The following ARB2A variants were observed in gnomAD, a reference collection of about 807,000 sequenced individuals.
The protein encoded by ARB2A is ARB2 cotranscriptional regulator A, also known as cotranscriptional regulator ARB2A.
chr5:93,682,909 A>G, the ARB2A span: 2 of 1,558,784 alleles, frequency 1.3e-6, no homozygotes, highest in African/African-American at 2.7e-5. Flanking sequence ...AATTCTTCAC[A>G]TAATTGATGA....
the ARB2A span, among the ~76,000 whole-genome samples, chr5:93,920,374 G>T: frequency 6.6e-6 from 1 of 152,128 alleles, no homozygotes; most frequent in Non-Finnish European, 1.5e-5. Flanking sequence ...AATTTTGTGT[G>T]ACAGAATAAG....
At chr5:93,818,436 T>C in the ARB2A span, among the ~76,000 whole-genome samples, 1 of 152,170 alleles carries the variant, frequency 6.6e-6, no homozygotes, top group Non-Finnish European at 1.5e-5. Flanking sequence ...TTAATAAATC[T>C]CCATTATATC....
the ARB2A span, chr5:93,735,533 C>A: frequency 6.6e-6 from 1 of 152,214 alleles, no homozygotes; most frequent in African/African-American, 2.4e-5. Context: ...ATGTTCACAA[C>A]ACAATCAGAG....
At chr5:93,642,777 C>A in the ARB2A span, among the ~76,000 whole-genome samples, 1 of 152,168 alleles carries the variant, frequency 6.6e-6, no homozygotes, top group Non-Finnish European at 1.5e-5. Context: ...GCCTTGGCCT[C>A]TCAAAGTACT....
the ARB2A span, among the ~76,000 whole-genome samples, chr5:93,882,365 C>A: frequency 6.6e-6 from 1 of 151,058 alleles, no homozygotes; most frequent in Non-Finnish European, 1.5e-5. Context: ...AGTCTTTAAT[C>A]TTAAAATTTC....
chr5:93,794,925 G>C, the ARB2A span, among the ~76,000 whole-genome samples: 6 of 152,228 alleles, frequency 3.9e-5, no homozygotes, highest in Non-Finnish European at 8.8e-5. Flanking sequence ...CACATCAGCT[G>C]TGGTTCTATA....
chr5:93,818,248 T>C, the ARB2A span, among the ~76,000 whole-genome samples: 2 of 152,094 alleles, frequency 1.3e-5, no homozygotes, highest in Non-Finnish European at 2.9e-5. Context: ...CTGGCAGGAT[T>C]GTAAGTATGG....
the ARB2A span, among the ~76,000 whole-genome samples, chr5:93,894,477 T>C: frequency 6.6e-6 from 1 of 152,118 alleles, no homozygotes; most frequent in Admixed American, 6.6e-5. Flanking sequence ...GTCTCTCAGC[T>C]TCTCTGTACA....
chr5:93,706,659 A>G, the ARB2A span, among the ~76,000 whole-genome samples: 1 of 152,108 alleles, frequency 6.6e-6, no homozygotes, highest in Non-Finnish European at 1.5e-5. Context: ...CAAGGTCAGG[A>G]GATTGAGACC....
chr5:94,024,711 TG>T, the ARB2A span, among the ~76,000 whole-genome samples: 2 of 152,040 alleles, frequency 1.3e-5, no homozygotes, highest in Non-Finnish European at 2.9e-5. Flanking sequence ...CTAGCCTATG[TG>T]GATAAGAGAA....
the ARB2A span, among the ~76,000 whole-genome samples, chr5:93,955,491 TC>T: frequency 6.6e-6 from 1 of 152,228 alleles, no homozygotes; most frequent in African/African-American, 2.4e-5. Context: ...AATAGCAGAT[TC>T]TTCTGAATAA....
At chr5:93,983,216 T>C in the ARB2A span, among the ~76,000 whole-genome samples, 1 of 139,138 alleles carries the variant, frequency 7.2e-6, no homozygotes, top group Admixed American at 7.4e-5. Flanking sequence ...TGTGTGTGTG[T>C]GTGTGTGTGT....
At chr5:93,942,047 A>C in the ARB2A span, among the ~76,000 whole-genome samples, 1 of 152,204 alleles carries the variant, frequency 6.6e-6, no homozygotes, top group Non-Finnish European at 1.5e-5. Context: ...TGGATTTTCA[A>C]AACTGAACAT....
At chr5:93,792,378 T>G in the ARB2A span, among the ~76,000 whole-genome samples, 1 of 151,926 alleles carries the variant, frequency 6.6e-6, no homozygotes, top group Non-Finnish European at 1.5e-5. Flanking sequence ...GACACAGTCT[T>G]AGATAGAAAA....
chr5:93,764,628 T>C, the ARB2A span, among the ~76,000 whole-genome samples: 1 of 152,184 alleles, frequency 6.6e-6, no homozygotes, highest in Non-Finnish European at 1.5e-5. Flanking sequence ...AAACAGGAGC[T>C]GATACCATTC....
At chr5:94,083,401 G>C in the ARB2A span, among the ~76,000 whole-genome samples, 3 of 151,916 alleles carry the variant, frequency 2.0e-5, no homozygotes, top group Non-Finnish European at 4.4e-5. Flanking sequence ...TTCCACTCAC[G>C]AATATAAAGA....
chr5:93,773,903 G>A, the ARB2A span, among the ~76,000 whole-genome samples: 2 of 152,180 alleles, frequency 1.3e-5, no homozygotes, highest in African/African-American at 4.8e-5. Flanking sequence ...GAATAGCTGG[G>A]ACTGTAGGTG....
At chr5:93,692,074 C>A in the ARB2A span, among the ~76,000 whole-genome samples, 3 of 152,242 alleles carry the variant, frequency 2.0e-5, no homozygotes, top group South Asian at 2.1e-4. Context: ...CAAAAACATA[C>A]CAAATTGTAA....
At chr5:93,852,352 T>C in the ARB2A span, among the ~76,000 whole-genome samples, 1 of 152,228 alleles carries the variant, frequency 6.6e-6, no homozygotes, top group Non-Finnish European at 1.5e-5. Flanking sequence ...TTCTGGATAT[T>C]AGCCCTTTGT....
Sources: gnomAD v4.1 joint callset for allele counts (sites outside exome capture counted in the v4.1 genomes callset) on GRCh38, gnomAD v4.1.1 for gene constraint, MANE v1.5 for transcripts, NCBI Gene and HGNC (gene_info 2026-07-23, HGNC 2026-07-21) for gene names.